Variants in KCNN2 observed in about 807,000 individuals in gnomAD.
KCNN2 encodes the protein small conductance calcium-activated potassium channel protein 2.
In KCNN2, 24 loss-of-function variants were observed where a neutral mutation model predicts 55.5. That is an observed-to-expected ratio of 0.43 (90% CI 0.31 to 0.61). The LOEUF is 0.61. Ranked by LOEUF, KCNN2 falls within the 20% of genes least tolerant of loss-of-function variation. The probability of loss-of-function intolerance (pLI) is 0.08; values close to 1 mark genes in which losing one functional copy is unlikely to be tolerated. For synonymous variants in KCNN2, 431 were observed against 336.1 expected (o/e 1.28, Z -3.09); for missense variants, 754 against 853.6 (o/e 0.88, Z 1.45).
At chr5:114,375,668 G>T (rs2150053399) in intron 2 of KCNN2, among the ~76,000 whole-genome samples, 2 of 151,944 alleles carry the variant, frequency 1.3e-5, no homozygotes, top group Middle Eastern at 6.8e-3. Context: ...AATATTTTGA[G>T]TTAGAATTTT....
chr5:114,342,152 T>C (rs1019119971), intron 2 of KCNN2, among the ~76,000 whole-genome samples: 2 of 152,078 alleles, frequency 1.3e-5, no homozygotes, highest in East Asian at 1.9e-4. Context: ...CCACCCGCCT[T>C]GGCCTCCCAA....
At chr5:114,314,128 G>T (rs538364392) in intron 2 of KCNN2, among the ~76,000 whole-genome samples, 1 of 152,186 alleles carries the variant, frequency 6.6e-6, no homozygotes, top group African/African-American at 2.4e-5. Context: ...ACAAAATGAG[G>T]TGGGAGCCGC....
At chr5:114,144,802 G>A (rs1368385174) in intron 1 of KCNN2, among the ~76,000 whole-genome samples, 1 of 145,402 alleles carries the variant, frequency 6.9e-6, no homozygotes, top group African/African-American at 2.6e-5. Flanking sequence ...ATGGTACTCT[G>A]TGAATGTGGG....
chr5:114,427,529 A>G (rs1008932157), intron 3 of KCNN2, among the ~76,000 whole-genome samples: 4 of 152,180 alleles, frequency 2.6e-5, no homozygotes, highest in African/African-American at 9.7e-5. Context: ...GAGTCCTATT[A>G]TGTTAATATT....
At chr5:114,349,625 G>C (rs1434322644) in intron 2 of KCNN2, among the ~76,000 whole-genome samples, 1 of 152,002 alleles carries the variant, frequency 6.6e-6, no homozygotes, top group South Asian at 2.1e-4. Flanking sequence ...TACTCAACCT[G>C]TACCACATTT....
chr5:114,266,732 G>T (rs988776388), intron 2 of KCNN2, among the ~76,000 whole-genome samples: 1 of 152,066 alleles, frequency 6.6e-6, no homozygotes, highest in South Asian at 2.1e-4. Flanking sequence ...AAGTTTCTTC[G>T]TTGCACACCA....
intron 3 of KCNN2, among the ~76,000 whole-genome samples, chr5:114,431,886 T>C (rs528083306): frequency 5.3e-4 from 81 of 152,342 alleles, no homozygotes; most frequent in African/African-American, 1.8e-3. Context: ...TTTGAGATTT[T>C]CCAGTTATCT....
intron 5 of KCNN2, among the ~76,000 whole-genome samples, chr5:114,474,465 A>G (rs1761884167): frequency 6.6e-6 from 1 of 152,124 alleles, no homozygotes; most frequent in African/African-American, 2.4e-5. Context: ...ATTTTCTTCA[A>G]ACTCCTAAAT....
chr5:114,475,865 C>G (rs919599923), intron 5 of KCNN2, among the ~76,000 whole-genome samples: 1 of 152,126 alleles, frequency 6.6e-6, no homozygotes, highest in Non-Finnish European at 1.5e-5. Flanking sequence ...GATGATGCTA[C>G]AGCTTTTTTG....
intron 1 of KCNN2, among the ~76,000 whole-genome samples, chr5:114,067,731 C>G (rs963792475): frequency 6.6e-6 from 1 of 152,114 alleles, no homozygotes; most frequent in South Asian, 2.1e-4. Context: ...ATACCCCACT[C>G]CTCCCACAGG....
intron 1 of KCNN2, among the ~76,000 whole-genome samples, chr5:114,122,050 TG>T (rs1432814364): frequency 6.6e-6 from 1 of 152,200 alleles, no homozygotes; most frequent in Non-Finnish European, 1.5e-5. Flanking sequence ...GAGTGAGACT[TG>T]CATGTGTAGG....
At chr5:114,153,625 C>A (rs569443199) in intron 1 of KCNN2, among the ~76,000 whole-genome samples, 1 of 152,322 alleles carries the variant, frequency 6.6e-6, no homozygotes, top group East Asian at 1.9e-4. Flanking sequence ...ACAGGAGAAG[C>A]TTGAGCTTAG....
At chr5:114,306,885 G>A (rs987601373) in intron 2 of KCNN2, among the ~76,000 whole-genome samples, 24 of 151,818 alleles carry the variant, frequency 1.6e-4, no homozygotes, top group Admixed American at 7.2e-4. Flanking sequence ...TATTTTTTTA[G>A]TAGAGACGAG....
At chr5:114,486,196 A>T (rs1762431467) in intron 5 of KCNN2, among the ~76,000 whole-genome samples, 2 of 152,180 alleles carry the variant, frequency 1.3e-5, no homozygotes, top group African/African-American at 2.4e-5. Context: ...TTTTTCCATC[A>T]CTTAAAAGAA....
At position 114,127,136 on chromosome 5, in the gene KCNN2, T is replaced by C. The variant is rs141033531; in HGVS notation, c.-271+70636T>C. Among the ~76,000 whole-genome samples, 1,494 of 152,236 alleles carry C rather than the reference T, an allele frequency of 9.8e-3. 13 individuals carry two copies. The highest frequency in any genetic ancestry group is 0.015 in the Non-Finnish European group (1,034 of 68,022). ...ACTTTTCCAGGTGCATGGTGCAAGC[T>C]GTCAGTGAATCTACCATTCTGGGGT... On this transcript the variant is annotated intron_variant, in intron 1 of 10. Transcript: ENST00000512097.
At chr5:114,063,624 T>C (rs1230391286) in intron 1 of KCNN2, among the ~76,000 whole-genome samples, 1 of 152,200 alleles carries the variant, frequency 6.6e-6, no homozygotes, top group Non-Finnish European at 1.5e-5. Flanking sequence ...GTGAGGATAA[T>C]GGAACTGCAT....
chr5:114,291,380 C>T (rs2150017750), intron 2 of KCNN2, among the ~76,000 whole-genome samples: 1 of 152,132 alleles, frequency 6.6e-6, no homozygotes, highest in East Asian at 1.9e-4. Flanking sequence ...CGATGTTCCC[C>T]TTCCTATGTC....
At chr5:114,311,309 T>C (rs1447269675) in intron 2 of KCNN2, among the ~76,000 whole-genome samples, 1 of 152,132 alleles carries the variant, frequency 6.6e-6, no homozygotes, top group Non-Finnish European at 1.5e-5. Context: ...TTTGTGTTGA[T>C]GAAGCTACTC....
intron 3 of KCNN2, among the ~76,000 whole-genome samples, chr5:114,459,043 G>A (rs891777504): frequency 2.0e-5 from 3 of 152,196 alleles, no homozygotes; most frequent in Non-Finnish European, 2.9e-5. Flanking sequence ...TTTGACACAC[G>A]TTATAGAAAG....
Sources: allele counts gnomAD v4.1 joint callset (sites outside exome capture counted in the v4.1 genomes callset), GRCh38; gene constraint gnomAD v4.1.1; transcripts MANE v1.5; gene names NCBI Gene and HGNC (gene_info 2026-07-23, HGNC 2026-07-21).